The following ZBTB26 variants were observed in gnomAD, a reference collection of about 807,000 sequenced individuals.
ZBTB26 encodes the protein zinc finger and BTB domain-containing protein 26.
In ZBTB26, 12 loss-of-function variants were observed where a neutral mutation model predicts 31.6. The ratio of observed to expected loss-of-function variants is 0.38; its 90% CI spans 0.24 to 0.61. ZBTB26 has a LOEUF of 0.61. Among genes scored for constraint, ZBTB26 ranks in the 20% least tolerant of loss-of-function variants. The pLI, the probability that ZBTB26 is intolerant of heterozygous loss-of-function variation, is 0.60. For missense variants in ZBTB26, 311 were observed against 521.9 expected (o/e 0.60, Z 3.94); for synonymous variants, 155 against 182.9 (o/e 0.85, Z 1.23).
chr9:122,924,991 C>T (rs377477803), intron 1 of ZBTB26, among the ~76,000 whole-genome samples: 2 of 152,092 alleles, frequency 1.3e-5, no homozygotes, highest in Non-Finnish European at 2.9e-5. Flanking sequence ...AAAAAAGTTT[C>T]TTATGAACCA....
Position 122,918,564 on chromosome 9 carries a change from T to C in ZBTB26, c.*45A>G. Reference sequence around the variant, plus strand: ...TCACTCCTAAAAAGACTAAGACTATTGCCACATTGTCAGTCAGTTCGAGTT... The same window carrying C: ...TCACTCCTAAAAAGACTAAGACTATCGCCACATTGTCAGTCAGTTCGAGTT... On this transcript the variant is annotated 3_prime_UTR_variant, in exon 2 of 2. Transcript: ENST00000373656. 1 of 1,573,716 alleles carries C rather than the reference T, an allele frequency of 6.4e-7. No individual in the cohort carries two copies. Among genetic ancestry groups the C allele is most frequent in the Non-Finnish European group, 8.6e-7 (1 of 1,162,336 alleles).
At position 122,918,516 on chromosome 9, in the gene ZBTB26, T is replaced by C. The variant is rs1186204968; in HGVS notation, c.*93A>G. ...ACTCCCTACCACCTACACAGAGGCT[T>C]TGGAGAAGTCAAACTAGCAAAATCA... On this transcript the variant is annotated 3_prime_UTR_variant, in exon 2 of 2. Transcript: ENST00000373656. 6 of 1,520,150 alleles carry C rather than the reference T, an allele frequency of 3.9e-6. No homozygotes were observed. The highest frequency in any genetic ancestry group is 5.3e-6 in the Non-Finnish European group (6 of 1,140,492). 94.2% of individuals were successfully genotyped at this position (1,520,150 alleles called of 1,614,324 possible).
chr9:122,928,475 G>A (rs1205485702), intron 1 of ZBTB26, among the ~76,000 whole-genome samples: 10 of 151,980 alleles, frequency 6.6e-5, no homozygotes, highest in Admixed American at 6.6e-4. Context: ...GCCCGGCCTA[G>A]TTCTTTTTTT....
At chr9:122,920,681 A>G (rs1180525624) in intron 1 of ZBTB26, among the ~76,000 whole-genome samples, 4 of 152,224 alleles carry the variant, frequency 2.6e-5, no homozygotes, top group Admixed American at 1.3e-4. Context: ...ATTCTGGAAA[A>G]ATCTAAACTC....
rs576780297 is a variant in ZBTB26 at position 122,918,585 on chromosome 9, G to A, written c.*24C>T. 1 of 1,593,294 alleles carries A rather than the reference G, an allele frequency of 6.3e-7. No homozygotes were observed. Among genetic ancestry groups the A allele is most frequent in the Non-Finnish European group, 8.5e-7 (1 of 1,170,836 alleles). On this transcript the variant is annotated 3_prime_UTR_variant, in exon 2 of 2. Coordinates refer to ENST00000373656, the MANE Select transcript of ZBTB26 (RefSeq NM_020924.4). ...CTATTGCCACATTGTCAGTCAGTTC[G>A]AGTTGTGAGCATGAAGCCCCTACTC...
chr9:122,926,506 C>CA (rs1022523849), intron 1 of ZBTB26, among the ~76,000 whole-genome samples: 2,539 of 61,708 alleles, frequency 0.041, 50 homozygotes, highest in South Asian at 0.12. Flanking sequence ...GACTCCGTCT[C>CA]AAAAAAAAAA....
rs1232804055 is a variant in ZBTB26 at position 122,915,962 on chromosome 9, T to C, written c.*2647A>G. 6.6e-6 allele frequency: 1 copy of C among 152,212 alleles called. No individual in the cohort carries two copies. The highest frequency in any genetic ancestry group is 1.9e-4 in the East Asian group (1 of 5,204). The allele number at this position is 152,212 out of a possible 1,614,324, so 9.4% of individuals were successfully genotyped here. On this transcript the variant is annotated 3_prime_UTR_variant, in exon 2 of 2. Coordinates refer to ENST00000373656, the MANE Select transcript of ZBTB26 (RefSeq NM_020924.4). ...TAAAAATCTTCCTCCTCTACAGAAA[T>C]ATGACTAGTTTTGAAAGTCATCTTC...
At chr9:122,922,914 G>A (rs1208962094) in intron 1 of ZBTB26, among the ~76,000 whole-genome samples, 1 of 152,160 alleles carries the variant, frequency 6.6e-6, no homozygotes, top group Non-Finnish European at 1.5e-5. Flanking sequence ...TGACCGGCCA[G>A]GCACAGTGGC....
chr9:122,925,660 G>A (rs1015973649), intron 1 of ZBTB26, among the ~76,000 whole-genome samples: 5 of 151,684 alleles, frequency 3.3e-5, no homozygotes, highest in African/African-American at 4.8e-5. Flanking sequence ...GTGCAATGGC[G>A]TGATCTCGGC....
rs896958884 is a variant in ZBTB26 at position 122,931,507 on chromosome 9, G to C, written c.-81C>G. On this transcript the variant is annotated 5_prime_UTR_variant, in exon 1 of 2. Transcript: ENST00000373656. ...TCCGGCCCCTCGGGGCTCCGGGAAGGGGGAGGGGCAAGGAACCCGAGCCAA... is the reference window on the plus strand; with the variant it reads ...TCCGGCCCCTCGGGGCTCCGGGAAGCGGGAGGGGCAAGGAACCCGAGCCAA... 1.3e-5 allele frequency: 2 copies of C among 152,770 alleles called. No homozygotes were observed. Among genetic ancestry groups the C allele is most frequent in the Admixed American group, 6.5e-5 (1 of 15,288 alleles). The allele number at this position is 152,770 out of a possible 1,614,324, so 9.5% of individuals were successfully genotyped here.
intron 1 of ZBTB26, among the ~76,000 whole-genome samples, chr9:122,928,135 C>T (rs528142730): frequency 1.3e-5 from 2 of 152,172 alleles, no homozygotes; most frequent in East Asian, 3.9e-4. Flanking sequence ...GTGCCCGGCC[C>T]CTCCTGGCAT....
At position 122,919,449 on chromosome 9, in the gene ZBTB26, G is replaced by C. The variant is rs150276082; in HGVS notation, c.486C>G (p.Asp162Glu). Residue 162 changes from aspartate to glutamate, a missense_variant, in exon 2 of 2, where the codon GAC (aspartate) becomes GAG (glutamate). Physicochemically the swap from Asp to Glu is conservative, Grantham distance 45 (BLOSUM62 2). Coordinates refer to ENST00000373656, the MANE Select transcript of ZBTB26 (RefSeq NM_020924.4). The surrounding 1 kb of genome is among the most constrained non-coding windows in gnomAD (Gnocchi z 6.1). The part of the protein sequence containing the change: ...QGDARGSPKQ[D>E]SPCIHPSEDS... ...CTTCAGATGGATGAATACAAGGTGA[G>C]TCCTGCTTTGGGGAGCCTCTGGCAT... 4.6e-5 allele frequency: 75 copies of C among 1,614,062 alleles called. No homozygotes were observed. Among genetic ancestry groups the C allele is most frequent in the Non-Finnish European group, 6.4e-5 (75 of 1,180,038 alleles).
intron 1 of ZBTB26, among the ~76,000 whole-genome samples, chr9:122,920,723 T>TA (rs1002312379): frequency 6.6e-6 from 1 of 152,174 alleles, no homozygotes; most frequent in African/African-American, 2.4e-5. Context: ...ATAAAGAAAA[T>TA]AAGATACTTG....
chr9:122,925,611 G>C (rs1322706057), intron 1 of ZBTB26, among the ~76,000 whole-genome samples: 1 of 151,322 alleles, frequency 6.6e-6, no homozygotes, highest in Non-Finnish European at 1.5e-5. Context: ...TTTTTTTCTT[G>C]TTTTGAGATG....
chr9:122,927,068 A>G (rs941241768), intron 1 of ZBTB26, among the ~76,000 whole-genome samples: 1 of 152,222 alleles, frequency 6.6e-6, no homozygotes, highest in African/African-American at 2.4e-5. Flanking sequence ...TTTCCTCAGA[A>G]TGATCACCAA....
At chr9:122,922,035 C>T (rs1833107352) in intron 1 of ZBTB26, among the ~76,000 whole-genome samples, 2 of 151,630 alleles carry the variant, frequency 1.3e-5, no homozygotes, top group Non-Finnish European at 2.9e-5. Context: ...GTCAGGAGTT[C>T]GAGACTAGCC....
At chr9:122,923,042 G>A (rs1003881210) in intron 1 of ZBTB26, among the ~76,000 whole-genome samples, 2 of 151,998 alleles carry the variant, frequency 1.3e-5, no homozygotes, top group South Asian at 2.1e-4. Context: ...AAAATTACCC[G>A]GCATGGTGGC....
intron 1 of ZBTB26, among the ~76,000 whole-genome samples, chr9:122,922,730 C>A (rs1833118651): frequency 6.6e-6 from 1 of 152,062 alleles, no homozygotes; most frequent in Non-Finnish European, 1.5e-5. Flanking sequence ...CATTGCAGGT[C>A]TGAGGCCATG....
intron 1 of ZBTB26, among the ~76,000 whole-genome samples, chr9:122,923,834 G>T (rs920026581): frequency 6.6e-6 from 1 of 152,158 alleles, no homozygotes; most frequent in African/African-American, 2.4e-5. Flanking sequence ...ACAGTGTTTT[G>T]TTCAACAATG....
Sources: allele counts gnomAD v4.1 joint callset (sites outside exome capture counted in the v4.1 genomes callset), GRCh38; gene constraint gnomAD v4.1.1; non-coding constraint Gnocchi (gnomAD v3.1); transcripts MANE v1.5; gene names NCBI Gene and HGNC (gene_info 2026-07-23, HGNC 2026-07-21).